SNX3: variants seen among roughly 807,000 people sequenced by gnomAD.
SNX3 encodes the protein sorting nexin-3.
Under a neutral mutation model 17.7 loss-of-function variants are expected in SNX3, and 5 were observed. The ratio of observed to expected loss-of-function variants is 0.28; its 90% CI spans 0.15 to 0.59. The LOEUF is 0.59. SNX3 is among the 20% of genes least tolerant of loss of function. The pLI is 0.88. For synonymous variants in SNX3, 91 were observed against 76.5 expected (o/e 1.19, Z -0.99); for missense variants, 132 against 206.8 (o/e 0.64, Z 2.22).
intron 1 of SNX3, among the ~76,000 whole-genome samples, chr6:108,247,840 G>A (rs1188425744): frequency 1.3e-5 from 2 of 151,992 alleles, no homozygotes; most frequent in South Asian, 4.2e-4. Context: ...GCTCATGCCT[G>A]TAATCCCAGC....
chr6:108,226,300 C>T, intron 1 of SNX3, among the ~76,000 whole-genome samples: 1 of 152,084 alleles, frequency 6.6e-6, no homozygotes, highest in Non-Finnish European at 1.5e-5. Context: ...TCTTGAACTC[C>T]TGAGTACACG....
intron 1 of SNX3, among the ~76,000 whole-genome samples, chr6:108,228,740 C>CT (rs1348265096): frequency 6.6e-6 from 1 of 151,898 alleles, no homozygotes; most frequent in East Asian, 1.9e-4. Context: ...ATCCATTACT[C>CT]TATTAAATAC....
chr6:108,226,304 G>A (rs1774972372), intron 1 of SNX3, among the ~76,000 whole-genome samples: 1 of 152,068 alleles, frequency 6.6e-6, no homozygotes, highest in Non-Finnish European at 1.5e-5. Context: ...GAACTCCTGA[G>A]TACACGCAAT....
At chr6:108,243,572 A>G (rs975235245) in intron 1 of SNX3, among the ~76,000 whole-genome samples, 1 of 152,176 alleles carries the variant, frequency 6.6e-6, no homozygotes, top group Non-Finnish European at 1.5e-5. Context: ...ACCTTAGAAA[A>G]AGAAAAAAGA....
rs764904684 is a variant in SNX3 at position 108,260,844 on chromosome 6, G to A, written c.78C>T (p.Ser26=). The change falls in exon 1 of 4, where the codon AGC becomes AGT. Residue 26 remains serine, a synonymous_variant. Transcript: ENST00000230085. ...QNLNDAYGPP[S]NFLEIDVSNP... ...TGCTCACATCGATCTCGAGGAAGTT[G>A]CTGGGGGGTCCGTAGGCGTCATTCA... 3 of 1,613,578 alleles carry A rather than the reference G, an allele frequency of 1.9e-6. No homozygotes were observed. The highest frequency in any genetic ancestry group is 3.3e-5 in the Admixed American group (2 of 60,010).
At chr6:108,248,321 G>A (rs1041828333) in intron 1 of SNX3, among the ~76,000 whole-genome samples, 50 of 152,180 alleles carry the variant, frequency 3.3e-4, no homozygotes, top group Non-Finnish European at 4.3e-4. Flanking sequence ...GCAATGTCTG[G>A]AATATAACAG....
chr6:108,246,687 A>T (rs1366779266), intron 1 of SNX3, among the ~76,000 whole-genome samples: 2 of 151,778 alleles, frequency 1.3e-5, no homozygotes, highest in East Asian at 3.9e-4. Context: ...GGGAACATAA[A>T]TTCAGTATAG....
chr6:108,260,688 ACT>A (rs1776164735), intron 1 of SNX3, 70 bp downstream of exon 1: 1 of 1,566,092 alleles, frequency 6.4e-7, no homozygotes, highest in Non-Finnish European at 8.7e-7. Flanking sequence ...GCGGGGGTCC[ACT>A]CCCGGGTCGA....
At chr6:108,256,677 A>G (rs916678515) in intron 1 of SNX3, among the ~76,000 whole-genome samples, 5 of 152,214 alleles carry the variant, frequency 3.3e-5, no homozygotes, top group Non-Finnish European at 5.9e-5. Context: ...TGTTCAAAAC[A>G]GTGGTCTCCA....
chr6:108,228,985 T>C (rs924632806), intron 1 of SNX3, among the ~76,000 whole-genome samples: 4 of 151,860 alleles, frequency 2.6e-5, no homozygotes, highest in Admixed American at 2.6e-4. Context: ...TCAGGCTGGG[T>C]GCGGTGGCTT....
chr6:108,260,561 G>A (rs1776159520), intron 1 of SNX3, among the ~76,000 whole-genome samples, 199 bp downstream of exon 1: 1 of 152,188 alleles, frequency 6.6e-6, no homozygotes, highest in African/African-American at 2.4e-5. Flanking sequence ...CCAAGTGCCA[G>A]CGCGCCGGGC....
At chr6:108,223,094 C>T in intron 1 of SNX3, 49 bp from the exon 2 acceptor site, 1 of 971,830 alleles carries the variant, frequency 1.0e-6, no homozygotes, top group Non-Finnish European at 1.6e-6. Context: ...AAGGAAACTT[C>T]AAAAAAATGG....
intron 1 of SNX3, among the ~76,000 whole-genome samples, chr6:108,225,594 T>C (rs568346845): frequency 1.1e-3 from 172 of 152,260 alleles, no homozygotes; most frequent in African/African-American, 3.9e-3. Context: ...ATCGCTCCAC[T>C]GCACTCTAGC....
chr6:108,222,065 A>AT (rs1412979691), intron 2 of SNX3, among the ~76,000 whole-genome samples: 15 of 152,000 alleles, frequency 9.9e-5, no homozygotes, highest in African/African-American at 3.4e-4. Context: ...CCTTCTTTAC[A>AT]TTTTTGTTGG....
At chr6:108,218,758 A>G (rs888517178) in intron 2 of SNX3, among the ~76,000 whole-genome samples, 2 of 152,282 alleles carry the variant, frequency 1.3e-5, no homozygotes, top group Admixed American at 6.5e-5. Context: ...GCCAGACACA[A>G]AAGATCACAT....
In SNX3 at chr6:108,228,518, C is replaced by G. The variant is rs148248031; in HGVS notation, c.163-5473G>C. Among the ~76,000 whole-genome samples, 113 of 151,818 alleles carry G rather than the reference C, an allele frequency of 7.4e-4. 4 individuals carry two copies. The East Asian group carries it at 0.02, about 27-fold the overall frequency. ...CCAAGATTGCGCCACTGCACTCCAGCCTGGGCAACAAGAGCGAAACTCTGT... is the reference window on the plus strand; with the variant it reads ...CCAAGATTGCGCCACTGCACTCCAGGCTGGGCAACAAGAGCGAAACTCTGT... On this transcript the variant is annotated intron_variant, in intron 1 of 3. Coordinates refer to ENST00000230085, the MANE Select transcript of SNX3 (RefSeq NM_003795.6).
chr6:108,237,565 C>T (rs933841173), intron 1 of SNX3, among the ~76,000 whole-genome samples: 3 of 152,058 alleles, frequency 2.0e-5, no homozygotes, highest in African/African-American at 4.8e-5. Flanking sequence ...GCAGGCGGAT[C>T]GATCACCTAA....
intron 1 of SNX3, among the ~76,000 whole-genome samples, chr6:108,237,970 G>A (rs1440398871): frequency 6.6e-6 from 1 of 151,212 alleles, no homozygotes; most frequent in Non-Finnish European, 1.5e-5. Flanking sequence ...GGTGGCACGC[G>A]CCTGTAGTCT....
chr6:108,258,140 C>G (rs1776083750), intron 1 of SNX3, among the ~76,000 whole-genome samples: 1 of 151,934 alleles, frequency 6.6e-6, no homozygotes, highest in Non-Finnish European at 1.5e-5. Flanking sequence ...TTGTTAGTTC[C>G]CTGACTCATT....
Sources: gnomAD v4.1 joint callset for allele counts (sites outside exome capture counted in the v4.1 genomes callset) on GRCh38, gnomAD v4.1.1 for gene constraint, MANE v1.5 for transcripts, NCBI Gene and HGNC (gene_info 2026-07-23, HGNC 2026-07-21) for gene names.